Variants in MINDY3 observed in about 807,000 individuals in gnomAD.
The protein encoded by MINDY3 is MINDY lysine 48 deubiquitinase 3, also known as ubiquitin carboxyl-terminal hydrolase MINDY-3.
Under a neutral mutation model 69.2 loss-of-function variants are expected in MINDY3, and 38 were observed. That is an observed-to-expected ratio of 0.55 (90% CI 0.42 to 0.72). MINDY3 has a LOEUF of 0.72. MINDY3 is among the 30% of genes least tolerant of loss of function. The pLI is 0.00. For missense variants in MINDY3, 522 were observed against 519.0 expected, an observed-to-expected ratio of 1.01 and a Z score of -0.06; for synonymous variants, 192 against 180.1, an observed-to-expected ratio of 1.07 and a Z score of -0.53.
At chr10:15,796,588 C>T (rs549956855) in intron 10 of MINDY3, among the ~76,000 whole-genome samples, 39 of 151,392 alleles carry the variant, frequency 2.6e-4, no homozygotes, top group South Asian at 1.5e-3. Context: ...TTCAAATATT[C>T]GAAAATAAAA....
chr10:15,860,347 G>C lies in MINDY3; in HGVS notation c.-48C>G, dbSNP rs1175944511. 1.4e-6 allele frequency: 2 copies of C among 1,390,424 alleles called. No individual in the cohort carries two copies. Among genetic ancestry groups the C allele is most frequent in the African/African-American group, 2.9e-5 (2 of 69,942 alleles). 86.1% of individuals were successfully genotyped at this position (1,390,424 alleles called of 1,614,324 possible). Reference sequence around the variant, plus strand: ...CTTCGCTTTGCGGACTCCTGCCCCGGAACATGGGGAAGGGGCAACTCCGGA... The same window carrying C: ...CTTCGCTTTGCGGACTCCTGCCCCGCAACATGGGGAAGGGGCAACTCCGGA... On this transcript the variant is annotated 5_prime_UTR_variant, in exon 1 of 15. Coordinates refer to ENST00000277632, the MANE Select transcript of MINDY3 (RefSeq NM_024948.4).
In MINDY3 at chr10:15,843,208, A is replaced by T. The variant is rs200926509; in HGVS notation, c.235+4T>A. The T allele has an allele frequency of 5.6e-6, 9 of 1,611,354 alleles. No homozygotes were observed. The highest frequency in any genetic ancestry group is 7.6e-6 in the Non-Finnish European group (9 of 1,177,808). ...GCAAAAGTTTTAAAAGACAGCTATC[A>T]TACCTGAACAATCCCGCCAAGAAGA... is the stretch of plus-strand genomic sequence containing the variant. On this transcript the variant is annotated splice_donor_region_variant and intron_variant, in intron 3 of 14. Transcript: ENST00000277632.
intron 10 of MINDY3, among the ~76,000 whole-genome samples, chr10:15,798,359 ATAGAAGGTT>A (rs1273130670): frequency 6.6e-6 from 1 of 152,142 alleles, no homozygotes; most frequent in Non-Finnish European, 1.5e-5. Context: ...GATTTTAGCC[ATAGAAGGTT>A]TAGATCAGAT....
intron 14 of MINDY3, 88 bp from the exon 15 acceptor site, chr10:15,779,229 A>G (rs1425887802): frequency 4.3e-6 from 5 of 1,167,248 alleles, no homozygotes; most frequent in Non-Finnish European, 6.0e-6. Flanking sequence ...AGGCTAGCAA[A>G]TAAGGTATTA....
intron 6 of MINDY3, among the ~76,000 whole-genome samples, chr10:15,836,954 T>C (rs183360326): frequency 1.3e-5 from 2 of 151,482 alleles, no homozygotes; most frequent in East Asian, 1.9e-4. Flanking sequence ...GGAAACACAA[T>C]TTGGAAGAAA....
chr10:15,834,480 T>C, intron 7 of MINDY3, 63 bp downstream of exon 7: 1 of 1,143,460 alleles, frequency 8.7e-7, no homozygotes. Context: ...TCATGTTTTA[T>C]CTGAAGTCAA....
intron 7 of MINDY3, 72 bp downstream of exon 7, chr10:15,834,471 C>A: frequency 9.6e-7 from 1 of 1,040,804 alleles, no homozygotes; most frequent in South Asian, 1.4e-5. Context: ...TTGACTCAGT[C>A]ATGTTTTATC....
Position 15,843,241 on chromosome 10 carries a change from G to A in MINDY3, c.206C>T (p.Ser69Leu), listed in dbSNP as rs369323055. The A allele has an allele frequency of 1.3e-5, 21 of 1,612,714 alleles. 1 individual carries two copies. Among genetic ancestry groups the A allele is most frequent in the South Asian group, 8.8e-5 (8 of 91,036 alleles). ...ACAATCCCGCCAAGAAGACTTCTCCGAAGAAAACAGGAGCTTCTTCAAAAG... is the reference window on the plus strand; with the variant it reads ...ACAATCCCGCCAAGAAGACTTCTCCAAAGAAAACAGGAGCTTCTTCAAAAG... Reference protein sequence around the residue: ...AFLLKKLLFSSEKSSWRDCSE... With the variant: ...AFLLKKLLFSLEKSSWRDCSE... Residue 69 changes from serine (S) to leucine (L), a missense_variant, in exon 3 of 15, where the codon TCG (serine) becomes TTG (leucine). Transcript: ENST00000277632.
At chr10:15,833,295 T>C (rs546883065) in intron 8 of MINDY3, among the ~76,000 whole-genome samples, 2 of 152,324 alleles carry the variant, frequency 1.3e-5, no homozygotes, top group Admixed American at 6.5e-5. Context: ...TAATGCTCCA[T>C]TTTAAGCAAA....
At chr10:15,793,548 T>A (rs927181727) in intron 11 of MINDY3, among the ~76,000 whole-genome samples, 1 of 152,128 alleles carries the variant, frequency 6.6e-6, no homozygotes, top group African/African-American at 2.4e-5. Context: ...AATTAACAGT[T>A]CAAAGTAAAC....
intron 8 of MINDY3, among the ~76,000 whole-genome samples, chr10:15,829,327 T>G (rs144387466): frequency 1.2e-3 from 180 of 152,318 alleles, no homozygotes; most frequent in African/African-American, 4.1e-3. Context: ...CAGTGGTTCT[T>G]AACCCTGACT....
intron 8 of MINDY3, among the ~76,000 whole-genome samples, chr10:15,832,428 C>CACTGAAT (rs2132050983): frequency 6.6e-6 from 1 of 151,104 alleles, no homozygotes; most frequent in East Asian, 1.9e-4. Context: ...GTATATTACC[C>CACTGAAT]AAGAGACACT....
At chr10:15,856,442 C>G (rs971203181) in intron 1 of MINDY3, among the ~76,000 whole-genome samples, 38 of 151,504 alleles carry the variant, frequency 2.5e-4, no homozygotes, top group African/African-American at 9.2e-4. Context: ...ACCCACTGTA[C>G]TGCTACAAAT....
At chr10:15,806,795 T>G (rs1174898853) in intron 10 of MINDY3, among the ~76,000 whole-genome samples, 1 of 152,194 alleles carries the variant, frequency 6.6e-6, no homozygotes, top group East Asian at 1.9e-4. Context: ...CCAAACACAG[T>G]ATTAACTTTC....
intron 10 of MINDY3, among the ~76,000 whole-genome samples, chr10:15,814,133 T>A (rs938563514): frequency 2.0e-5 from 3 of 152,198 alleles, no homozygotes; most frequent in African/African-American, 7.2e-5. Flanking sequence ...TGGTGAAGAC[T>A]ATATGAACAT....
chr10:15,782,105 A>C (rs1836586232), intron 14 of MINDY3, 50 bp downstream of exon 14: 1 of 1,309,404 alleles, frequency 7.6e-7, no homozygotes, highest in African/African-American at 1.4e-5. Context: ...TACTCACATA[A>C]TTATTTCATC....
intron 10 of MINDY3, among the ~76,000 whole-genome samples, chr10:15,813,858 C>T (rs1440816354): frequency 6.6e-6 from 1 of 150,934 alleles, no homozygotes; most frequent in Non-Finnish European, 1.5e-5. Flanking sequence ...TGAAATACAC[C>T]AACAAACATA....
intron 10 of MINDY3, among the ~76,000 whole-genome samples, chr10:15,805,305 C>A (rs572489075): frequency 1.7e-4 from 26 of 152,220 alleles, no homozygotes; most frequent in African/African-American, 5.8e-4. Flanking sequence ...AATTACTTAT[C>A]CCCAGCCAAC....
At chr10:15,843,064 G>A (rs1483067017) in intron 3 of MINDY3, 148 bp downstream of exon 3, 1 of 647,850 alleles carries the variant, frequency 1.5e-6, no homozygotes, top group South Asian at 2.1e-5. Context: ...GAAATATGGA[G>A]TCACTGTTCA....
Sources: gnomAD v4.1 joint callset for allele counts (sites outside exome capture counted in the v4.1 genomes callset) on GRCh38, gnomAD v4.1.1 for gene constraint, MANE v1.5 for transcripts, NCBI Gene and HGNC (gene_info 2026-07-23, HGNC 2026-07-21) for gene names.